Variants in ST3GAL3 observed in about 807,000 individuals in gnomAD.
ST3GAL3 encodes the protein CMP-N-acetylneuraminate-beta-1,4-galactoside alpha-2,3-sialyltransferase.
In ST3GAL3, 21 loss-of-function variants were observed where a neutral mutation model predicts 50.1. That is an observed-to-expected ratio of 0.42 (90% CI 0.30 to 0.60). The LOEUF is 0.60. Among genes scored for constraint, ST3GAL3 ranks in the 20% least tolerant of loss-of-function variants. The probability of loss-of-function intolerance (pLI) is 0.19; values close to 1 mark genes in which losing one functional copy is unlikely to be tolerated. For synonymous variants in ST3GAL3, 183 were observed against 190.0 expected (o/e 0.96, Z 0.30); for missense variants, 353 against 489.4 (o/e 0.72, Z 2.63).
Position 43,824,038 on chromosome 1 carries a change from T to C in ST3GAL3, c.209+9105T>C, listed in dbSNP as rs556281765. ...TTTGTAAGGGCAAGAACTAGGAATG[T>C]TCTGCTCACAGATATATTCACAATG... is the stretch of plus-strand genomic sequence containing the variant. On this transcript the variant is annotated intron_variant, in intron 4 of 11. Transcript: ENST00000347631. Among the ~76,000 whole-genome samples, 20 of 152,370 alleles carry C rather than the reference T, an allele frequency of 1.3e-4. No homozygotes were observed. The South Asian group carries it at 3.9e-3, about 30-fold the overall frequency.
intron 4 of ST3GAL3, chr1:43,824,659 G>A: frequency 6.2e-7 from 1 of 1,605,454 alleles, no homozygotes; most frequent in Non-Finnish European, 8.5e-7. Flanking sequence ...ACAGCCCACT[G>A]TTCAAAGACT....
At chr1:43,713,522 A>ATTTTT (rs556526111) in intron 1 of ST3GAL3, among the ~76,000 whole-genome samples, 3 of 122,128 alleles carry the variant, frequency 2.5e-5, no homozygotes, top group Admixed American at 9.2e-5. Context: ...ACGTTGTGGG[A>ATTTTT]TTTTTTTTTT....
rs1175480456 is a variant in ST3GAL3, at chr1:43,899,255, T to C, written c.549T>C (p.Ile183=). 1 of 1,614,144 alleles carries C rather than the reference T, an allele frequency of 6.2e-7. No individual in the cohort carries two copies. Among genetic ancestry groups the C allele is most frequent in the East Asian group, 2.2e-5 (1 of 44,876 alleles). Reference sequence around the variant, plus strand: ...GGTCACGAATTGACGACTATGACATTGTGGTGAGGTGAGCTCCCCAAAATG... The same window carrying C: ...GGTCACGAATTGACGACTATGACATCGTGGTGAGGTGAGCTCCCCAAAATG... The part of the protein sequence containing the change: ...SLGSRIDDYD[I]VVRLNSAPVK... The change falls in exon 8 of 12, where the codon ATT becomes ATC. Residue 183 remains isoleucine, a synonymous_variant. Transcript: ENST00000347631. The surrounding 1 kb of genome is among the most constrained non-coding windows in gnomAD (Gnocchi z 5.4).
intron 5 of ST3GAL3, among the ~76,000 whole-genome samples, chr1:43,862,766 A>T (rs971198420): frequency 2.1e-5 from 3 of 143,556 alleles, no homozygotes; most frequent in East Asian, 2.0e-4. Flanking sequence ...AAAAAAAAAA[A>T]TTTAATTAGC....
chr1:43,792,169 T>C lies in ST3GAL3; in HGVS notation c.166+20T>C. 6.2e-7 allele frequency: 1 copy of C among 1,614,216 alleles called. No homozygotes were observed. The highest frequency in any genetic ancestry group is 8.5e-7 in the Non-Finnish European group (1 of 1,180,008). On this transcript the variant is annotated intron_variant, in intron 3 of 11. Transcript: ENST00000347631. ...GCTCAGGTACCAACTCTTCCCCCTC[T>C]ATCATCTTTTTGGCCTTCAATATTA...
At chr1:43,921,774 G>A in intron 11 of ST3GAL3, 1 of 398,786 alleles carries the variant, frequency 2.5e-6, no homozygotes, top group East Asian at 3.6e-5. Context: ...TGAAGAAACT[G>A]AAGCCACAGA....
intron 1 of ST3GAL3, among the ~76,000 whole-genome samples, chr1:43,723,830 T>C (rs1671655319): frequency 6.6e-6 from 1 of 152,104 alleles, no homozygotes; most frequent in Non-Finnish European, 1.5e-5. Flanking sequence ...CAGGCTAGTC[T>C]CGAACTCCTG....
chr1:43,746,247 A>C (rs1405324986), intron 2 of ST3GAL3, among the ~76,000 whole-genome samples: 2 of 152,232 alleles, frequency 1.3e-5, no homozygotes, highest in African/African-American at 2.4e-5. Context: ...AAATACTGTA[A>C]GATTCCTCTT....
chr1:43,857,572 T>TTCCTTCCTTCCTTCCTTCCTTCC lies in ST3GAL3; in HGVS notation c.302+19262_302+19263insCCTTCCTTCCTTCCTTCCTTCCT, dbSNP rs1558605176. Among the ~76,000 whole-genome samples, 142 of 80,928 alleles carry TTCCTTCCTTCCTTCCTTCCTTCC rather than the reference T, an allele frequency of 1.8e-3. 32 individuals carry two copies. Among genetic ancestry groups the TTCCTTCCTTCCTTCCTTCCTTCC allele is most frequent in the Non-Finnish European group, 2.4e-3 (105 of 43,418 alleles). 53.1% of individuals were successfully genotyped at this position (80,928 alleles called of 152,430 possible). ...CTTCCTTCCTTTCCTTCCTTCTTTC[T>TTCCTTCCTTCCTTCCTTCCTTCC]TTCCTTCCTCCCTCCCTTCCTTCCT... On this transcript the variant is annotated intron_variant, in intron 5 of 11. Coordinates refer to ENST00000347631, the MANE Select transcript of ST3GAL3 (RefSeq NM_006279.5).
chr1:43,886,029 G>A (rs803677), intron 5 of ST3GAL3, among the ~76,000 whole-genome samples: 124,028 of 152,192 alleles, frequency 0.81, 51,405 homozygotes, highest in Non-Finnish European at 0.89. Flanking sequence ...GTAGTTAACA[G>A]TAATATATAG....
chr1:43,821,898 T>C (rs1190920636), intron 4 of ST3GAL3, among the ~76,000 whole-genome samples: 1 of 152,230 alleles, frequency 6.6e-6, no homozygotes, highest in African/African-American at 2.4e-5. Context: ...GAGCAACTAA[T>C]ATGTATCAGG....
At chr1:43,874,093 T>C (rs773802701) in intron 5 of ST3GAL3, among the ~76,000 whole-genome samples, 1 of 150,524 alleles carries the variant, frequency 6.6e-6, no homozygotes, top group Non-Finnish European at 1.5e-5. Flanking sequence ...AGTAATTAAC[T>C]GTGTAATATG....
At chr1:43,872,997 T>C (rs74595098) in intron 5 of ST3GAL3, among the ~76,000 whole-genome samples, 1 of 152,284 alleles carries the variant, frequency 6.6e-6, no homozygotes, top group East Asian at 1.9e-4. Context: ...ATGCCTGTGT[T>C]AAAGAAGTGG....
chr1:43,762,606 A>T (rs1361242437), intron 2 of ST3GAL3, among the ~76,000 whole-genome samples: 3 of 152,164 alleles, frequency 2.0e-5, no homozygotes, highest in African/African-American at 7.2e-5. Context: ...TGAGGATATA[A>T]ACGCTACCAT....
chr1:43,843,610 A>G (rs913318944), intron 5 of ST3GAL3, among the ~76,000 whole-genome samples: 6 of 152,186 alleles, frequency 3.9e-5, no homozygotes, highest in African/African-American at 1.4e-4. Flanking sequence ...AATAAGTGGG[A>G]AAATATTTCT....
rs781487979 is a variant in ST3GAL3, at chr1:43,824,928, C to T, written c.209+9995C>T. On this transcript the variant is annotated intron_variant, in intron 4 of 11. Transcript: ENST00000347631. ...TATGCAGCCAAATTGAGAACCACTG[C>T]TTTAATAAAAGATTCTGTTTCCTGT... 1.2e-5 allele frequency: 9 copies of T among 720,358 alleles called. No individual in the cohort carries two copies. The East Asian group carries it at 2.4e-4, about 19-fold the overall frequency. 44.6% of individuals were successfully genotyped at this position (720,358 alleles called of 1,614,324 possible).
intron 1 of ST3GAL3, chr1:43,719,094 C>G (rs1158168413): frequency 6.6e-6 from 1 of 152,128 alleles, no homozygotes; most frequent in African/African-American, 2.4e-5. Context: ...GATTTCTACT[C>G]AGGAAGTCAC....
chr1:43,775,099 G>A (rs999807541), intron 2 of ST3GAL3, among the ~76,000 whole-genome samples: 2 of 152,114 alleles, frequency 1.3e-5, no homozygotes, highest in East Asian at 1.9e-4. Flanking sequence ...GTGTAAGAGC[G>A]AGAACCAGCT....
intron 6 of ST3GAL3, among the ~76,000 whole-genome samples, chr1:43,894,866 C>T (rs767292541): frequency 2.0e-5 from 3 of 152,128 alleles, no homozygotes; most frequent in Non-Finnish European, 4.4e-5. Context: ...AACTCCTGGA[C>T]TCAAGTGATC....
Sources: gnomAD v4.1 joint callset for allele counts (sites outside exome capture counted in the v4.1 genomes callset) on GRCh38, gnomAD v4.1.1 for gene constraint, Gnocchi (gnomAD v3.1) non-coding constraint, MANE v1.5 for transcripts, NCBI Gene and HGNC (gene_info 2026-07-23, HGNC 2026-07-21) for gene names.